Variants in P2RX1 observed in about 807,000 individuals in gnomAD.
P2RX1 encodes the protein purinergic receptor P2X 1.
In P2RX1, 42 loss-of-function variants were observed where a neutral mutation model predicts 50.3. The ratio of observed to expected loss-of-function variants is 0.83; its 90% confidence interval spans 0.65 to 1.08. The LOEUF is 1.08. Among genes scored for constraint, P2RX1 ranks in the 50% least tolerant of loss-of-function variants. The pLI, the probability that P2RX1 is intolerant of heterozygous loss-of-function variation, is 0.00. For synonymous variants in P2RX1, 199 were observed against 202.6 expected, an observed-to-expected ratio of 0.98 and a Z score of 0.15; for missense variants, 449 against 529.0, an observed-to-expected ratio of 0.85 and a Z score of 1.48.
Position 3,899,657 on chromosome 17 carries a change from AT to A in P2RX1, c.851del (p.Asn284IlefsTer49). On this transcript the variant is annotated frameshift_variant, in exon 8 of 12. Transcript: ENST00000225538. LOFTEE classifies it high-confidence loss of function. ...YEFHGLYEEK[N>X]LSPGFNFRFA... is the part of the protein sequence containing the mutation. ...ACCTGAAGTTGAAGCCTGGGGAGAGATTTTTCTCTTCGTACAGCCCATGGAA... is the reference window on the plus strand; with the variant it reads ...ACCTGAAGTTGAAGCCTGGGGAGAGATTTTCTCTTCGTACAGCCCATGGAA... The A allele has an allele frequency of 6.2e-7, 1 of 1,613,420 alleles. No homozygotes were observed. The highest frequency in any genetic ancestry group is 1.1e-5 in the South Asian group (1 of 91,070).
intron 2 of P2RX1, 120 bp downstream of exon 2, chr17:3,905,100 A>G: frequency 1.4e-6 from 2 of 1,400,812 alleles, no homozygotes; most frequent in Non-Finnish European, 2.0e-6. Flanking sequence ...TCTGCCCGGC[A>G]TTCACAGAGG....
chr17:3,907,360 A>G (rs1489398348), intron 1 of P2RX1, among the ~76,000 whole-genome samples: 1 of 144,624 alleles, frequency 6.9e-6, no homozygotes, highest in Non-Finnish European at 1.5e-5. Context: ...GTATACCTGC[A>G]GGGCAAATCT....
intron 10 of P2RX1, 83 bp downstream of exon 10, chr17:3,898,401 G>T: frequency 9.1e-7 from 1 of 1,093,758 alleles, no homozygotes; most frequent in South Asian, 1.3e-5. Context: ...CAAGTTTTAG[G>T]GTGAGGGACG....
chr17:3,903,627 C>A lies in P2RX1; in HGVS notation c.529G>T (p.Ala177Ser). Residue 177 changes from alanine to serine, a missense_variant, in exon 6 of 12, where the codon GCC becomes TCC. Ala to Ser is a moderately conservative substitution (Grantham distance 99). Coordinates refer to ENST00000225538, the MANE Select transcript of P2RX1 (RefSeq NM_002558.4). The surrounding 1 kb of genome is among the most constrained non-coding windows in gnomAD (Gnocchi z 4.6). ...AAGTTCTCGGCCTCTCGGAGAAGGG[C>A]AGGGCTGGAGGACACCACACGCACT... The part of the protein sequence containing the change: ...VEVDDDIPRP[A>S]LLREAENFTL... The A allele has an allele frequency of 6.2e-7, 1 of 1,613,920 alleles. No individual in the cohort carries two copies. The highest frequency in any genetic ancestry group is 8.5e-7 in the Non-Finnish European group (1 of 1,179,968).
At chr17:3,904,054 T>A (rs774569518) in intron 4 of P2RX1, 30 bp from the exon 5 acceptor site, 52 of 1,575,442 alleles carry the variant, frequency 3.3e-5, no homozygotes, top group Non-Finnish European at 4.4e-5. Flanking sequence ...CCTGGGTGCC[T>A]GCACTAAACA....
chr17:3,915,648 G>T (rs1366522299), intron 1 of P2RX1: 8 of 458,956 alleles, frequency 1.7e-5, no homozygotes, highest in Non-Finnish European at 2.6e-5. Flanking sequence ...GCTCAGGCAG[G>T]GAAGCTGGCA....
chr17:3,905,828 CAA>C (rs747083885), intron 1 of P2RX1, among the ~76,000 whole-genome samples: 16 of 105,754 alleles, frequency 1.5e-4, no homozygotes, highest in Non-Finnish European at 7.3e-5. Flanking sequence ...GCCTGGGCGA[CAA>C]GAGCAAAATT....
intron 1 of P2RX1, among the ~76,000 whole-genome samples, chr17:3,909,273 G>A (rs1033687082): frequency 6.4e-4 from 98 of 152,054 alleles, no homozygotes; most frequent in Non-Finnish European, 7.2e-4. Context: ...CTCGTGATCC[G>A]CCCGCCTCGG....
In P2RX1 at chr17:3,903,828, G is replaced by A. The variant is rs2056203061; in HGVS notation, c.524+100C>T. On this transcript the variant is annotated intron_variant, in intron 5 of 11. Coordinates refer to ENST00000225538, the MANE Select transcript of P2RX1 (RefSeq NM_002558.4). The surrounding 1 kb of genome is among the most constrained non-coding windows in gnomAD (Gnocchi z 4.6). ...CCTAGGTTGCGCGGATGGGGTGAGGGTGGGGTCAGAAAAAGGGGTAAAGAT... is the reference window on the plus strand; with the variant it reads ...CCTAGGTTGCGCGGATGGGGTGAGGATGGGGTCAGAAAAAGGGGTAAAGAT... The A allele has an allele frequency of 8.5e-7, 1 of 1,178,416 alleles. No homozygotes were observed. The highest frequency in any genetic ancestry group is 1.5e-5 in the African/African-American group (1 of 66,306). The allele number at this position is 1,178,416 out of a possible 1,614,324, so 73.0% of individuals were successfully genotyped here.
chr17:3,899,738 G>A lies in P2RX1; in HGVS notation c.771C>T (p.Ile257=), dbSNP rs772210541. 4 of 1,613,848 alleles carry A rather than the reference G, an allele frequency of 2.5e-6. No individual in the cohort carries two copies. The highest frequency in any genetic ancestry group is 1.7e-5 in the Admixed American group (1 of 60,008). ...AEKGGVVGIT[I]DWHCDLDWHV... is the part of the protein sequence containing the mutation. The stretch of plus-strand genomic sequence containing the variant: ...GCCAGTCCAGGTCACAGTGCCAGTC[G>A]ATGGTGATGCCAACCACTCCACCCT... The change falls in exon 8 of 12, where the codon ATC becomes ATT. Residue 257 remains isoleucine (I), a synonymous_variant. Transcript: ENST00000225538.
chr17:3,899,068 G>T, intron 8 of P2RX1, 44 bp from the exon 9 acceptor site: 3 of 1,391,224 alleles, frequency 2.2e-6, no homozygotes, highest in Non-Finnish European at 2.0e-6. Context: ...GGAGGGGACT[G>T]TCTTGGGTCT....
In P2RX1 at chr17:3,903,268, G is replaced by T. The variant is rs1232171695; in HGVS notation, c.681C>A (p.Cys227Ter). Residue 227 changes from cysteine to a stop codon, truncating the protein, a stop_gained, in exon 7 of 12, where the codon TGC becomes TGA. Transcript: ENST00000225538. LOFTEE classifies it high-confidence loss of function. The surrounding 1 kb of genome is among the most constrained non-coding windows in gnomAD (Gnocchi z 4.6). ...CCACGTAGCCAAGCTGGAAGACTGGGCACAGGGGGTGCAGGGTCTTGTGAA... is the reference window on the plus strand; with the variant it reads ...CCACGTAGCCAAGCTGGAAGACTGGTCACAGGGGGTGCAGGGTCTTGTGAA... Reference protein sequence around the residue: ...CLFHKTLHPLCPVFQLGYVVQ... With the variant: ...CLFHKTLHPL The T allele has an allele frequency of 6.2e-7, 1 of 1,614,054 alleles. No homozygotes were observed. Among genetic ancestry groups the T allele is most frequent in the East Asian group, 2.2e-5 (1 of 44,898 alleles).
At chr17:3,904,226 C>A in intron 4 of P2RX1, 104 bp downstream of exon 4, 1 of 1,228,416 alleles carries the variant, frequency 8.1e-7, no homozygotes, top group Non-Finnish European at 1.2e-6. Flanking sequence ...GCCGCCTCGG[C>A]GGGAGGGGTG....
rs1056504560 is a variant in P2RX1, at chr17:3,903,716, G to A, written c.525-85C>T. ...CAGAGCTTGGCACAGCAGGGGGTGG[G>A]CCGAGCCTCCGGGACCCGCCTGCAG... On this transcript the variant is annotated intron_variant, in intron 5 of 11. Transcript: ENST00000225538. The surrounding 1 kb of genome is among the most constrained non-coding windows in gnomAD (Gnocchi z 4.6). 23 of 1,465,502 alleles carry A rather than the reference G, an allele frequency of 1.6e-5. No homozygotes were observed. The highest frequency in any genetic ancestry group is 2.2e-5 in the Non-Finnish European group (23 of 1,052,482). The allele number at this position is 1,465,502 out of a possible 1,614,324, so 90.8% of individuals were successfully genotyped here.
At chr17:3,898,200 G>T in intron 10 of P2RX1, 90 bp from the exon 11 acceptor site, 1 of 1,166,678 alleles carries the variant, frequency 8.6e-7, no homozygotes, top group Non-Finnish European at 1.3e-6. Flanking sequence ...TGGTGGTGAG[G>T]CCCTGGCTGG....
At chr17:3,905,613 C>T (rs752226480) in intron 1 of P2RX1, among the ~76,000 whole-genome samples, 3 of 152,082 alleles carry the variant, frequency 2.0e-5, no homozygotes, top group Admixed American at 6.5e-5. Flanking sequence ...TTTGGGAGGC[C>T]GAGGCGGGTG....
At chr17:3,909,819 G>A (rs995759418) in intron 1 of P2RX1, among the ~76,000 whole-genome samples, 8 of 152,108 alleles carry the variant, frequency 5.3e-5, no homozygotes, top group Non-Finnish European at 1.2e-4. Context: ...CTCCTCAAAT[G>A]ACGATGGGGC....
chr17:3,903,555 T>C lies in P2RX1; in HGVS notation c.601A>G (p.Asn201Asp). 1 of 1,614,130 alleles carries C rather than the reference T, an allele frequency of 6.2e-7. No homozygotes were observed. The highest frequency in any genetic ancestry group is 8.5e-7 in the Non-Finnish European group (1 of 1,179,970). The change falls in exon 6 of 12, where the codon AAC becomes GAC. Residue 201 changes from asparagine (N) to aspartate (D), a missense_variant. Asn to Asp is a conservative substitution (Grantham distance 23, BLOSUM62 1). Coordinates refer to ENST00000225538, the MANE Select transcript of P2RX1 (RefSeq NM_002558.4). This position sits in a 1 kb window ranked among gnomAD's most constrained non-coding sequence, Gnocchi z 4.6. ...CTGCCCGAATTTCCCACGCACCTGTTGACCTTGAAGCGTGGAAAGCTGATG... is the reference window on the plus strand; with the variant it reads ...CTGCCCGAATTTCCCACGCACCTGTCGACCTTGAAGCGTGGAAAGCTGATG... ...NSISFPRFKV[N>D]RRNLVEEVNA...
chr17:3,908,943 C>A (rs2056315310), intron 1 of P2RX1, among the ~76,000 whole-genome samples: 1 of 152,220 alleles, frequency 6.6e-6, no homozygotes, highest in Non-Finnish European at 1.5e-5. Context: ...GCTGCTTATT[C>A]ATTAAGTGTT....
Sources: allele counts gnomAD v4.1 joint callset (sites outside exome capture counted in the v4.1 genomes callset), GRCh38; gene constraint gnomAD v4.1.1; non-coding constraint Gnocchi (gnomAD v3.1); transcripts MANE v1.5; gene names NCBI Gene and HGNC (gene_info 2026-07-23, HGNC 2026-07-21).